The following SORCS3 variants were observed in gnomAD, a reference collection of about 807,000 sequenced individuals.
SORCS3 encodes VPS10 domain-containing receptor SorCS3.
SORCS3 carries 57 observed loss-of-function variants against 146.3 expected under a neutral mutation model. The observed-to-expected ratio is 0.39, with a 90% CI of 0.31 to 0.49. SORCS3 has a LOEUF of 0.49. SORCS3 is among the 20% of genes least tolerant of loss of function. SORCS3 has a pLI of 0.92. For missense variants in SORCS3, 1,341 were observed against 1,575.5 expected, an observed-to-expected ratio of 0.85 and a Z score of 2.52; for synonymous variants, 653 against 618.5, an observed-to-expected ratio of 1.06 and a Z score of -0.83.
chr10:104,739,256 C>T (rs1307157212), intron 1 of SORCS3, among the ~76,000 whole-genome samples: 2 of 152,120 alleles, frequency 1.3e-5, no homozygotes, highest in Non-Finnish European at 2.9e-5. Context: ...CTCCAAATGC[C>T]GGAGACAAGA....
chr10:104,802,653 T>A (rs1032818189), intron 1 of SORCS3, among the ~76,000 whole-genome samples: 1 of 152,194 alleles, frequency 6.6e-6, no homozygotes, highest in African/African-American at 2.4e-5. Context: ...ATCTACAGAA[T>A]CTGGTTCCCT....
At chr10:104,712,157 C>T (rs181006279) in intron 1 of SORCS3, among the ~76,000 whole-genome samples, 608 of 152,198 alleles carry the variant, frequency 4.0e-3, no homozygotes, top group South Asian at 0.017. Flanking sequence ...TTTATGTATG[C>T]ATCATCTCCT....
chr10:105,000,508 T>C (rs2055054648), intron 4 of SORCS3, among the ~76,000 whole-genome samples: 1 of 152,164 alleles, frequency 6.6e-6, no homozygotes, highest in Non-Finnish European at 1.5e-5. Flanking sequence ...TGTTTTTTGC[T>C]TCTGTGTGAG....
At chr10:104,688,293 T>A (rs1323195138) in intron 1 of SORCS3, among the ~76,000 whole-genome samples, 1 of 152,176 alleles carries the variant, frequency 6.6e-6, no homozygotes, top group African/African-American at 2.4e-5. Context: ...GCCTGGAGGC[T>A]GAAAGCTCTG....
chr10:104,664,632 T>C (rs2015745638), intron 1 of SORCS3: 1 of 152,188 alleles, frequency 6.6e-6, no homozygotes, highest in Non-Finnish European at 1.5e-5. Flanking sequence ...TTGACTTTAT[T>C]TTGGAGTAGT....
At chr10:105,065,093 G>A (rs73344308) in intron 5 of SORCS3, among the ~76,000 whole-genome samples, 8,968 of 152,232 alleles carry the variant, frequency 0.059, 287 homozygotes, top group Middle Eastern at 0.088. Flanking sequence ...CTCTTGATCT[G>A]TGTGAGTGAA....
At chr10:104,867,951 A>G (rs2018478227) in intron 2 of SORCS3, among the ~76,000 whole-genome samples, 1 of 152,220 alleles carries the variant, frequency 6.6e-6, no homozygotes. Context: ...CAAATGCAGC[A>G]CTAATGAGGG....
chr10:104,856,996 G>GAT (rs957771952), intron 2 of SORCS3, among the ~76,000 whole-genome samples: 44 of 149,854 alleles, frequency 2.9e-4, no homozygotes, highest in African/African-American at 1.1e-3. Context: ...GAGAGAGAGA[G>GAT]ATTAATTCTA....
intron 1 of SORCS3, chr10:104,822,154 A>G (rs919947768): frequency 4.9e-5 from 25 of 512,706 alleles, no homozygotes; most frequent in East Asian, 5.5e-5. Context: ...CAGTTTCTGT[A>G]TCTGTATCTG....
At chr10:104,866,360 A>G (rs748352908) in intron 2 of SORCS3, among the ~76,000 whole-genome samples, 7 of 152,212 alleles carry the variant, frequency 4.6e-5, no homozygotes, top group Non-Finnish European at 7.3e-5. Context: ...GAGTTACCAG[A>G]TTTATGGGTC....
At chr10:105,225,611 A>G (rs2056729696) in intron 20 of SORCS3, among the ~76,000 whole-genome samples, 1 of 152,150 alleles carries the variant, frequency 6.6e-6, no homozygotes, top group Admixed American at 6.5e-5. Context: ...ATCAATGTCT[A>G]CAAACTAACT....
Position 104,641,748 on chromosome 10 carries a change from G to C in SORCS3, c.421G>C (p.Glu141Gln). The part of the protein sequence containing the change: ...SRRAQPPITQ[E>Q]RGDAWATAPA... ...CCGGGCGCAGCCCCCAATCACCCAG[G>C]AACGCGGGGACGCCTGGGCCACTGC... is the stretch of plus-strand genomic sequence containing the variant. Residue 141 changes from glutamate (E) to glutamine (Q), a missense_variant, in exon 1 of 27, where the codon GAA (glutamate) becomes CAA (glutamine). Physicochemically the swap from Glu to Gln is conservative, Grantham distance 29. Transcript: ENST00000369701. This position sits in a 1 kb window ranked among gnomAD's most constrained non-coding sequence, Gnocchi z 6.4. 2 of 1,546,006 alleles carry C rather than the reference G, an allele frequency of 1.3e-6. No individual in the cohort carries two copies. Among genetic ancestry groups the C allele is most frequent in the Non-Finnish European group, 1.7e-6 (2 of 1,145,802 alleles).
At position 105,178,186 on chromosome 10, in the gene SORCS3, T is replaced by C. The variant is rs2056419992; in HGVS notation, c.2009+13T>C. 2 of 1,591,964 alleles carry C rather than the reference T, an allele frequency of 1.3e-6. No homozygotes were observed. Among genetic ancestry groups the C allele is most frequent in the Admixed American group, 1.7e-5 (1 of 58,034 alleles). On this transcript the variant is annotated intron_variant, in intron 14 of 26. Coordinates refer to ENST00000369701, the MANE Select transcript of SORCS3 (RefSeq NM_014978.3). ...CCCACATCATGACGTGAGTACTTCTTTTGCTGTGACAGGAAGAAGACCAGA... is the reference window on the plus strand; with the variant it reads ...CCCACATCATGACGTGAGTACTTCTCTTGCTGTGACAGGAAGAAGACCAGA...
chr10:104,966,752 G>A (rs929577084), intron 3 of SORCS3, among the ~76,000 whole-genome samples: 5 of 152,278 alleles, frequency 3.3e-5, no homozygotes, highest in African/African-American at 1.2e-4. Flanking sequence ...GATTTCTGGG[G>A]AGGATTTTGA....
chr10:104,881,561 T>C (rs1450336778), intron 2 of SORCS3, among the ~76,000 whole-genome samples: 2 of 152,206 alleles, frequency 1.3e-5, no homozygotes, highest in Non-Finnish European at 2.9e-5. Context: ...TTAAAGAGAA[T>C]TCTTTTAATA....
intron 3 of SORCS3, among the ~76,000 whole-genome samples, chr10:104,940,558 A>G (rs1262549131): frequency 6.6e-6 from 1 of 151,724 alleles, no homozygotes; most frequent in Non-Finnish European, 1.5e-5. Context: ...CCATGTCCCT[A>G]CAAAGGACAT....
At position 104,900,345 on chromosome 10, in the gene SORCS3, C is replaced by T. The variant is rs186993550; in HGVS notation, c.696-15488C>T. On this transcript the variant is annotated intron_variant, in intron 2 of 26. Transcript: ENST00000369701. ...CAGTAAACAGATTATGCTTCTTCTA[C>T]CTGTCTTTTATTTCTTGCAACCTAC... is the stretch of plus-strand genomic sequence containing the variant. 1.4e-4 allele frequency among the ~76,000 whole-genome samples: 21 copies of T among 152,224 alleles called. No individual in the cohort carries two copies. The East Asian group carries it at 4.1e-3, about 29-fold the overall frequency.
At chr10:105,195,416 C>A (rs1236900457) in intron 14 of SORCS3, among the ~76,000 whole-genome samples, 1 of 152,126 alleles carries the variant, frequency 6.6e-6, no homozygotes, top group East Asian at 1.9e-4. Flanking sequence ...TGATGATGCC[C>A]ACTTCAATTT....
At position 105,114,026 on chromosome 10, in the gene SORCS3, G is replaced by T. The variant is rs572461319; in HGVS notation, c.1212+8511G>T. Among the ~76,000 whole-genome samples the T allele has an allele frequency of 4.6e-5, 7 of 152,242 alleles. No homozygotes were observed. The South Asian group carries it at 1.5e-3, about 32-fold the overall frequency. Reference sequence around the variant, plus strand: ...TAGCGTTTCTAGTGATTATCCTGGAGAATCTGTATTTTAGCAGCAGTTGCA... The same window carrying T: ...TAGCGTTTCTAGTGATTATCCTGGATAATCTGTATTTTAGCAGCAGTTGCA... On this transcript the variant is annotated intron_variant, in intron 7 of 26. Transcript: ENST00000369701.
Sources: gnomAD v4.1 joint callset for allele counts (sites outside exome capture counted in the v4.1 genomes callset) on GRCh38, gnomAD v4.1.1 for gene constraint, Gnocchi (gnomAD v3.1) non-coding constraint, MANE v1.5 for transcripts, NCBI Gene and HGNC (gene_info 2026-07-23, HGNC 2026-07-21) for gene names.